SYNE1: variants seen among roughly 807,000 people sequenced by gnomAD.
SYNE1 encodes spectrin repeat containing nuclear envelope protein 1, also known as nesprin-1.
SYNE1 carries 616 observed loss-of-function variants against 1,111.0 expected under a neutral mutation model. The observed-to-expected ratio is 0.55, with a 90% CI of 0.52 to 0.59. SYNE1 has a LOEUF of 0.59. Among genes scored for constraint, SYNE1 ranks in the 20% least tolerant of loss-of-function variants. SYNE1 has a pLI of 0.00. For missense variants in SYNE1, 10,006 were observed against 10,417.0 expected (o/e 0.96, Z 1.72); for synonymous variants, 3,855 against 3,825.8 (o/e 1.01, Z -0.28).
At position 152,352,204 on chromosome 6, in the gene SYNE1, G is replaced by C; in HGVS notation, c.11403C>G (p.Thr3801=). ...TCATGTGTTCTTTCCGGACAGTGCT[G>C]GTCAGTTCCTTCAACTGCTCCATGT... The part of the protein sequence containing the change: ...HDHMEQLKEL[T]STVRKEHMTL... Residue 3801 remains threonine (T), a synonymous_variant, in exon 70 of 146, where the codon ACC becomes ACG. Transcript: ENST00000367255. 1 of 1,614,084 alleles carries C rather than the reference G, an allele frequency of 6.2e-7. No individual in the cohort carries two copies. Among genetic ancestry groups the C allele is most frequent in the Non-Finnish European group, 8.5e-7 (1 of 1,180,030 alleles).
At position 152,416,965 on chromosome 6, in the gene SYNE1, C is replaced by T. The variant is rs538739567; in HGVS notation, c.5472G>A (p.Gln1824=). Residue 1824 remains glutamine (Q), a synonymous_variant, in exon 41 of 146, where the codon CAG becomes CAA. Transcript: ENST00000367255. ...GAGAACCCAACTTTGCTAAGTGACC[C>T]TGCAGACTCTGCAATTCGCCCTTTT... is the stretch of plus-strand genomic sequence containing the variant. ...ESKKGELQSL[Q]GHLAKLGSLG... The T allele has an allele frequency of 3.7e-6, 6 of 1,614,200 alleles. No individual in the cohort carries two copies. The South Asian group carries it at 5.5e-5, about 15-fold the overall frequency.
chr6:152,369,243 G>A (rs2097136913), intron 60 of SYNE1, 116 bp from the exon 61 acceptor site: 3 of 1,424,414 alleles, frequency 2.1e-6, no homozygotes, highest in African/African-American at 1.4e-5. Flanking sequence ...TACCCTGGAG[G>A]CTTTATTATC....
At chr6:152,220,751 A>G (rs1161720345) in intron 119 of SYNE1, 91 bp downstream of exon 119, 3 of 1,198,814 alleles carry the variant, frequency 2.5e-6, no homozygotes, top group East Asian at 4.7e-5. Flanking sequence ...TCTCACATAG[A>G]AAGACATACC....
intron 129 of SYNE1, among the ~76,000 whole-genome samples, chr6:152,177,859 T>G (rs930069804): frequency 1.2e-4 from 18 of 152,222 alleles, no homozygotes; most frequent in Non-Finnish European, 2.5e-4. Flanking sequence ...TGAGTGTTAA[T>G]ACCAACAGAC....
Position 152,151,562 on chromosome 6 carries a change from C to T in SYNE1, c.24441G>A (p.Lys8147=), listed in dbSNP as rs2060427405. ...AAAAATAATCTATTACCTTGAGTTGCTTTATTTTAGCTTGAACATCACACT... is the reference window on the plus strand; with the variant it reads ...AAAAATAATCTATTACCTTGAGTTGTTTTATTTTAGCTTGAACATCACACT... ...FSECDVQAKI[K]QLKAFQQEIS... is the part of the protein sequence containing the mutation. The change falls in exon 135 of 146, where the codon AAG becomes AAA. Residue 8147 remains lysine (K), a synonymous_variant. Coordinates refer to ENST00000367255, the MANE Select transcript of SYNE1 (RefSeq NM_182961.4). 3.1e-6 allele frequency: 5 copies of T among 1,613,892 alleles called. No homozygotes were observed. Among genetic ancestry groups the T allele is most frequent in the Non-Finnish European group, 4.2e-6 (5 of 1,179,962 alleles).
intron 130 of SYNE1, chr6:152,167,688 AAAGCTTTCAACTAC>A (rs925912257): frequency 3.9e-5 from 19 of 483,522 alleles, no homozygotes; most frequent in Non-Finnish European, 6.4e-5. Context: ...TCATGAAAGG[AAAGCTTTCAACTAC>A]AAAGCTGTGA....
intron 34 of SYNE1, 106 bp downstream of exon 34, chr6:152,433,689 T>G: frequency 7.6e-7 from 1 of 1,320,386 alleles, no homozygotes; most frequent in South Asian, 1.2e-5. Context: ...ATAGTCACAT[T>G]GCAATGAAAG....
intron 55 of SYNE1, among the ~76,000 whole-genome samples, chr6:152,383,586 C>A (rs1342130443): frequency 1.3e-5 from 2 of 152,110 alleles, no homozygotes; most frequent in Non-Finnish European, 2.9e-5. Context: ...CTTGTTTTTC[C>A]CCTCCTTTTT....
chr6:152,414,384 G>A (rs982706963), intron 41 of SYNE1, among the ~76,000 whole-genome samples: 2 of 152,054 alleles, frequency 1.3e-5, no homozygotes, highest in African/African-American at 2.4e-5. Flanking sequence ...ACTCTAGCCT[G>A]GGTGACAGAG....
intron 27 of SYNE1, 33 bp from the exon 28 acceptor site, chr6:152,449,674 G>A: frequency 4.1e-6 from 6 of 1,459,648 alleles, no homozygotes; most frequent in Non-Finnish European, 5.8e-6. Context: ...TTATTAAAGG[G>A]AGAACATACC....
intron 3 of SYNE1, among the ~76,000 whole-genome samples, chr6:152,627,958 A>G (rs2099689310): frequency 6.6e-6 from 1 of 151,730 alleles, no homozygotes; most frequent in South Asian, 2.1e-4. Context: ...ATTGAACAAC[A>G]GCAGCAGTAC....
chr6:152,211,663 A>G, intron 123 of SYNE1, 75 bp from the exon 124 acceptor site: 3 of 1,335,022 alleles, frequency 2.2e-6, no homozygotes, highest in Middle Eastern at 2.2e-4. Context: ...AACTTTCCAA[A>G]TATTCTAGTT....
At position 152,308,529 on chromosome 6, in the gene SYNE1, C is replaced by G. The variant is rs1215541431; in HGVS notation, c.17306G>C (p.Ser5769Thr). Residue 5769 changes from serine to threonine, a missense_variant, in exon 91 of 146, where the codon AGT (serine) becomes ACT (threonine). Coordinates refer to ENST00000367255, the MANE Select transcript of SYNE1 (RefSeq NM_182961.4). ...CTGAGCCTGCAGCTCCTGTATGTTA[C>G]TGGTGGCAACAGGTTTATCCTCAAT... The part of the protein sequence containing the change: ...REIEDKPVAT[S>T]NIQELQAQIS... 1.2e-6 allele frequency: 2 copies of G among 1,613,972 alleles called. No individual in the cohort carries two copies. The highest frequency in any genetic ancestry group is 2.7e-5 in the African/African-American group (2 of 74,972).
At chr6:152,605,045 G>A (rs1158787812) in intron 3 of SYNE1, among the ~76,000 whole-genome samples, 27 of 49,696 alleles carry the variant, frequency 5.4e-4, no homozygotes, top group Non-Finnish European at 9.0e-4. Context: ...AGGGAGGGAG[G>A]GAGGGAGGGA....
chr6:152,472,719 C>T, intron 14 of SYNE1: 2 of 672,990 alleles, frequency 3.0e-6, no homozygotes, highest in South Asian at 3.2e-5. Context: ...GTAATTACTG[C>T]TATGAAATGA....
At chr6:152,255,219 G>C in intron 103 of SYNE1, 130 bp from the exon 104 acceptor site, 1 of 828,318 alleles carries the variant, frequency 1.2e-6, no homozygotes, top group Non-Finnish European at 1.9e-6. Context: ...AAGACAACTG[G>C]AACCTCTTTC....
intron 6 of SYNE1, 87 bp downstream of exon 6, chr6:152,520,372 A>G: frequency 8.0e-7 from 1 of 1,251,720 alleles, no homozygotes. Context: ...CCATCCTCCT[A>G]TCTGACTACA....
chr6:152,507,951 G>A (rs993444591), intron 8 of SYNE1, among the ~76,000 whole-genome samples: 7 of 152,134 alleles, frequency 4.6e-5, no homozygotes, highest in Non-Finnish European at 1.0e-4. Context: ...GATACATCCT[G>A]ATAACTAGTC....
chr6:152,213,870 A>G (rs540093672), intron 122 of SYNE1, 111 bp from the exon 123 acceptor site: 1 of 1,483,942 alleles, frequency 6.7e-7, no homozygotes, highest in South Asian at 1.2e-5. Context: ...TTGAACCACC[A>G]CAAAGCTTTC....
Sources: gnomAD v4.1 joint callset for allele counts (sites outside exome capture counted in the v4.1 genomes callset) on GRCh38, gnomAD v4.1.1 for gene constraint, MANE v1.5 for transcripts, NCBI Gene and HGNC (gene_info 2026-07-23, HGNC 2026-07-21) for gene names.